HAPLN1: variants seen among roughly 807,000 people sequenced by gnomAD.
The protein encoded by HAPLN1 is Cartilage link protein.
In HAPLN1, 13 loss-of-function variants were observed where a neutral mutation model predicts 36.5. The observed-to-expected ratio is 0.36, with a 90% CI of 0.23 to 0.57. The LOEUF (loss-of-function observed/expected upper bound fraction) is 0.57. HAPLN1 is among the 20% of genes least tolerant of loss of function. The pLI is 0.83. For synonymous variants in HAPLN1, 202 were observed against 169.8 expected (o/e 1.19, Z -1.48); for missense variants, 407 against 439.7 (o/e 0.93, Z 0.66).
At chr5:83,650,541 G>T (rs1351288407) in intron 3 of HAPLN1, among the ~76,000 whole-genome samples, 2 of 151,850 alleles carry the variant, frequency 1.3e-5, no homozygotes, top group Non-Finnish European at 2.9e-5. Context: ...TAGCTCATAT[G>T]CATATATTCT....
At position 83,641,321 on chromosome 5, in the gene HAPLN1, A is replaced by T. The variant is rs1243708810; in HGVS notation, c.*175T>A. On this transcript the variant is annotated 3_prime_UTR_variant, in exon 5 of 5. Transcript: ENST00000274341. ...TATATTAATTTATAATATATATTGA[A>T]TGATAGCTTTACAAAAAACAAATCA... 8 of 423,424 alleles carry T rather than the reference A, an allele frequency of 1.9e-5. No homozygotes were observed. The South Asian group carries it at 5.1e-4, about 27-fold the overall frequency. 26.2% of individuals were successfully genotyped at this position (423,424 alleles called of 1,614,324 possible).
intron 1 of HAPLN1, among the ~76,000 whole-genome samples, chr5:83,710,594 A>T (rs1189709426): frequency 6.6e-6 from 1 of 152,166 alleles, no homozygotes; most frequent in South Asian, 2.1e-4. Context: ...GACAGAAGGT[A>T]TGTGACATTA....
At chr5:83,681,031 T>C (rs1265274890) in intron 1 of HAPLN1, among the ~76,000 whole-genome samples, 1 of 152,192 alleles carries the variant, frequency 6.6e-6, no homozygotes, top group Admixed American at 6.5e-5. Context: ...CATACTCATA[T>C]AGGAAAGACA....
chr5:83,716,385 T>G (rs1751912534), intron 1 of HAPLN1, among the ~76,000 whole-genome samples: 3 of 152,202 alleles, frequency 2.0e-5, no homozygotes, highest in South Asian at 4.1e-4. Flanking sequence ...ATTTTTACTC[T>G]GAATTTTTCT....
At chr5:83,704,454 A>G (rs866774602) in intron 1 of HAPLN1, among the ~76,000 whole-genome samples, 6 of 152,218 alleles carry the variant, frequency 3.9e-5, no homozygotes, top group South Asian at 2.1e-4. Context: ...AAAGGCACAG[A>G]GTGACAAACT....
chr5:83,712,714 A>T (rs907985715), intron 1 of HAPLN1, among the ~76,000 whole-genome samples: 5 of 152,042 alleles, frequency 3.3e-5, no homozygotes, highest in Admixed American at 1.3e-4. Flanking sequence ...AGGTTTAGTT[A>T]AAAAAATACA....
At position 83,637,884 on chromosome 5, in the gene HAPLN1, A is replaced by G. The variant is rs1169956221; in HGVS notation, c.*3612T>C. 1 of 152,054 alleles carries G rather than the reference A, an allele frequency of 6.6e-6. No individual in the cohort carries two copies. The highest frequency in any genetic ancestry group is 1.5e-5 in the Non-Finnish European group (1 of 67,910). 9.4% of individuals were successfully genotyped at this position (152,054 alleles called of 1,614,324 possible). On this transcript the variant is annotated 3_prime_UTR_variant, in exon 5 of 5. Coordinates refer to ENST00000274341, the MANE Select transcript of HAPLN1 (RefSeq NM_001884.4). ...TTTAAAATGTGTTAATCTAATCAAC[A>G]ACACAATAGATTTCTGGGATTGCTG...
intron 3 of HAPLN1, among the ~76,000 whole-genome samples, chr5:83,650,754 C>T (rs1750034592): frequency 6.6e-6 from 1 of 150,786 alleles, no homozygotes; most frequent in East Asian, 2.0e-4. Flanking sequence ...CCTGCCTCAG[C>T]TTCCCGAGTA....
chr5:83,670,725 C>G (rs1348165496), intron 2 of HAPLN1, among the ~76,000 whole-genome samples: 1 of 151,668 alleles, frequency 6.6e-6, no homozygotes, highest in Non-Finnish European at 1.5e-5. Context: ...GATGGAGTCT[C>G]GCTCTGTTGC....
intron 2 of HAPLN1, among the ~76,000 whole-genome samples, chr5:83,669,089 A>T (rs1387928267): frequency 6.6e-6 from 1 of 152,242 alleles, no homozygotes. Context: ...GTTCTGCCTT[A>T]CAAAAATTTA....
At chr5:83,654,553 A>G (rs1352408551) in intron 2 of HAPLN1, among the ~76,000 whole-genome samples, 1 of 152,192 alleles carries the variant, frequency 6.6e-6, no homozygotes, top group Non-Finnish European at 1.5e-5. Flanking sequence ...ATTTCTCAGT[A>G]ATGCCTGAGG....
Position 83,640,552 on chromosome 5 carries a change from T to C in HAPLN1, c.*944A>G, listed in dbSNP as rs562358377. The C allele has an allele frequency of 6.6e-6, 1 of 152,332 alleles. No homozygotes were observed. The highest frequency in any genetic ancestry group is 2.1e-4 in the South Asian group (1 of 4,828). 9.4% of individuals were successfully genotyped at this position (152,332 alleles called of 1,614,324 possible). ...AATTGATTTTCATATAATGTAAATA[T>C]GAAATATTAAATCAGTTTAAAGTTA... On this transcript the variant is annotated 3_prime_UTR_variant, in exon 5 of 5. Transcript: ENST00000274341.
chr5:83,666,911 A>G (rs548203687), intron 2 of HAPLN1, among the ~76,000 whole-genome samples: 2 of 152,266 alleles, frequency 1.3e-5, no homozygotes, highest in Non-Finnish European at 2.9e-5. Flanking sequence ...TCTCAAAAGG[A>G]CACACAAATA....
In HAPLN1 at chr5:83,641,629, TCCGCCAACCAGC is replaced by T. The variant is rs1310139902; in HGVS notation, c.920_931del (p.Gly307_Ala310del). 1 of 1,614,180 alleles carries T rather than the reference TCCGCCAACCAGC, an allele frequency of 6.2e-7. No individual in the cohort carries two copies. The highest frequency in any genetic ancestry group is 8.5e-7 in the Non-Finnish European group (1 of 1,180,036). Reference sequence around the variant, plus strand: ...AGAGATGGGGTAGCGGACGCTGCCATCCGCCAACCAGCCCGCATCACAGCGGTCATATCCGAG... The same window carrying T: ...AGAGATGGGGTAGCGGACGCTGCCATCCGCATCACAGCGGTCATATCCGAG... On this transcript the variant is annotated inframe_deletion, in exon 5 of 5. Transcript: ENST00000274341.
At chr5:83,669,277 C>T (rs1219519154) in intron 2 of HAPLN1, among the ~76,000 whole-genome samples, 2 of 152,088 alleles carry the variant, frequency 1.3e-5, no homozygotes, top group Non-Finnish European at 2.9e-5. Context: ...CTGATGTGGG[C>T]TGATCACCTG....
rs775980272 is a variant in HAPLN1, at chr5:83,652,676, C to T, written c.249G>A (p.Lys83=). Residue 83 remains lysine, a synonymous_variant, in exon 3 of 5, where the codon AAG becomes AAA. Coordinates refer to ENST00000274341, the MANE Select transcript of HAPLN1 (RefSeq NM_001884.4). ...CTTCCTTGAGGTAATCCGAAGTTAG[C>T]TTGGTCCACTTAATTCGGATTTTAT... ...GIHKIRIKWT[K]LTSDYLKEVD... 1 of 1,614,092 alleles carries T rather than the reference C, an allele frequency of 6.2e-7. No individual in the cohort carries two copies. Among genetic ancestry groups the T allele is most frequent in the Non-Finnish European group, 8.5e-7 (1 of 1,180,010 alleles).
In HAPLN1 at chr5:83,641,797, A is replaced by C. The variant is rs761092175; in HGVS notation, c.776-12T>G. On this transcript the variant is annotated splice_polypyrimidine_tract_variant and intron_variant, in intron 4 of 4. Transcript: ENST00000274341. ...ATAGTAAAAACGGCCTGTAGAGAAA[A>C]GGAGACAGAGTCAATGGGCTGGTCT... 112 of 1,609,940 alleles carry C rather than the reference A, an allele frequency of 7.0e-5. No individual in the cohort carries two copies. The South Asian group carries it at 1.2e-3, about 17-fold the overall frequency.
chr5:83,665,564 A>G (rs1230519227), intron 2 of HAPLN1, among the ~76,000 whole-genome samples: 1 of 152,168 alleles, frequency 6.6e-6, no homozygotes, highest in Admixed American at 6.5e-5. Flanking sequence ...CCCTCTTTAG[A>G]AATAAGATAG....
rs111595920 is a variant in HAPLN1 at position 83,696,098 on chromosome 5, C to T, written c.-26-22549G>A. 4.0e-3 allele frequency among the ~76,000 whole-genome samples: 614 copies of T among 151,998 alleles called. 4 individuals carry two copies. The highest frequency in any genetic ancestry group is 0.014 in the African/African-American group (578 of 41,484). On this transcript the variant is annotated intron_variant, in intron 1 of 4. Coordinates refer to ENST00000274341, the MANE Select transcript of HAPLN1 (RefSeq NM_001884.4). ...AGTTGCTGGATATATGATCCATGTGCAAACATCATTATATTTTTATACACT... is the reference window on the plus strand; with the variant it reads ...AGTTGCTGGATATATGATCCATGTGTAAACATCATTATATTTTTATACACT...
Sources: gnomAD v4.1 joint callset for allele counts (sites outside exome capture counted in the v4.1 genomes callset) on GRCh38, gnomAD v4.1.1 for gene constraint, MANE v1.5 for transcripts, NCBI Gene and HGNC (gene_info 2026-07-23, HGNC 2026-07-21) for gene names.